The following STX8 variants were observed in gnomAD, a reference collection of about 807,000 sequenced individuals.
The protein encoded by STX8 is syntaxin 8, also known as syntaxin-8.
A neutral mutation model predicts 37.5 loss-of-function variants in STX8; 23 were observed. The ratio of observed to expected loss-of-function variants is 0.61; its 90% CI spans 0.44 to 0.87. The LOEUF (loss-of-function observed/expected upper bound fraction) is 0.87, where lower values mean the gene tolerates loss of function less well. Ranked by LOEUF, STX8 falls within the 40% of genes least tolerant of loss-of-function variation. The pLI is 0.00. For synonymous variants in STX8, 115 were observed against 99.1 expected (o/e 1.16, Z -0.95); for missense variants, 313 against 284.7 (o/e 1.10, Z -0.71).
chr17:9,405,142 T>A (rs1003244777), intron 6 of STX8, among the ~76,000 whole-genome samples: 1 of 152,246 alleles, frequency 6.6e-6, no homozygotes, highest in Non-Finnish European at 1.5e-5. Context: ...GTCATAACAA[T>A]AGCATCTTCA....
rs1206593253 is a variant in STX8, at chr17:9,430,056, T to TAGA, written c.542-51404_542-51403insTCT. ...TATTCTATAGAATATATATATTCTA[T>TAGA]ATAATATATATATTCTATATAATAT... On this transcript the variant is annotated intron_variant, in intron 6 of 7. Coordinates refer to ENST00000306357, the MANE Select transcript of STX8 (RefSeq NM_004853.3). Among the ~76,000 whole-genome samples, 321 of 59,592 alleles carry TAGA rather than the reference T, an allele frequency of 5.4e-3. 27 individuals carry two copies. The highest frequency in any genetic ancestry group is 0.011 in the Middle Eastern group (1 of 92). 39.1% of individuals were successfully genotyped at this position (59,592 alleles called of 152,430 possible).
intron 7 of STX8, among the ~76,000 whole-genome samples, chr17:9,310,464 A>C (rs1909154062): frequency 6.6e-6 from 1 of 152,094 alleles, no homozygotes; most frequent in African/African-American, 2.4e-5. Context: ...TCTTGCCCCC[A>C]CCTGTCTGCT....
At chr17:9,429,402 T>C (rs1248502254) in intron 6 of STX8, among the ~76,000 whole-genome samples, 1 of 144,860 alleles carries the variant, frequency 6.9e-6, no homozygotes, top group Non-Finnish European at 1.5e-5. Flanking sequence ...ATTATAAATA[T>C]ATAAATATAT....
chr17:9,306,521 G>A (rs555013617), intron 7 of STX8, among the ~76,000 whole-genome samples: 16 of 151,658 alleles, frequency 1.1e-4, no homozygotes, highest in African/African-American at 3.9e-4. Context: ...AGACTGAGGT[G>A]GGTGGATCAA....
intron 7 of STX8, among the ~76,000 whole-genome samples, chr17:9,296,359 G>C (rs1260357067): frequency 1.3e-5 from 2 of 150,052 alleles, no homozygotes; most frequent in African/African-American, 4.9e-5. Flanking sequence ...TTAGCCAGGC[G>C]TGGTGGTGCG....
intron 4 of STX8, among the ~76,000 whole-genome samples, chr17:9,544,397 A>T (rs1906412541): frequency 3.9e-5 from 6 of 152,140 alleles, no homozygotes; most frequent in African/African-American, 1.4e-4. Context: ...CAGCTCTTTG[A>T]AGTGTGAATC....
intron 7 of STX8, among the ~76,000 whole-genome samples, chr17:9,362,848 T>TAAAAA (rs1567798062): frequency 6.9e-6 from 1 of 145,084 alleles, no homozygotes; most frequent in Non-Finnish European, 1.5e-5. Context: ...AAAAAATAAA[T>TAAAAA]AAATAAATAA....
intron 7 of STX8, among the ~76,000 whole-genome samples, chr17:9,315,418 C>CA (rs1424486401): frequency 6.6e-6 from 1 of 152,176 alleles, no homozygotes; most frequent in Non-Finnish European, 1.5e-5. Flanking sequence ...ACAGAGGCTG[C>CA]ACGCAGCATG....
At chr17:9,381,771 C>A (rs959217868) in intron 6 of STX8, among the ~76,000 whole-genome samples, 1 of 152,164 alleles carries the variant, frequency 6.6e-6, no homozygotes, top group African/African-American at 2.4e-5. Flanking sequence ...GAGTTTGAGA[C>A]CAGCCTGGCC....
chr17:9,398,344 A>C (rs2142314261), intron 6 of STX8, among the ~76,000 whole-genome samples: 1 of 152,332 alleles, frequency 6.6e-6, no homozygotes, highest in Admixed American at 6.5e-5. Context: ...CCCCAGTGTT[A>C]TCATAAGAAA....
chr17:9,400,912 G>C (rs1443177895), intron 6 of STX8, among the ~76,000 whole-genome samples: 1 of 152,150 alleles, frequency 6.6e-6, no homozygotes, highest in Non-Finnish European at 1.5e-5. Context: ...TATAGAAAAT[G>C]CTGTACAGTT....
intron 4 of STX8, among the ~76,000 whole-genome samples, chr17:9,527,587 A>G (rs1238928539): frequency 2.0e-5 from 3 of 152,176 alleles, no homozygotes; most frequent in Non-Finnish European, 2.9e-5. Context: ...CTTAAAATTA[A>G]TACATGCAGG....
At chr17:9,365,951 C>T (rs1911216380) in intron 7 of STX8, among the ~76,000 whole-genome samples, 1 of 151,798 alleles carries the variant, frequency 6.6e-6, no homozygotes, top group Non-Finnish European at 1.5e-5. Context: ...CCAGCCTGGG[C>T]AACAGAGCGA....
At chr17:9,461,652 G>C (rs1479445261) in intron 6 of STX8, among the ~76,000 whole-genome samples, 1 of 152,160 alleles carries the variant, frequency 6.6e-6, no homozygotes, top group Non-Finnish European at 1.5e-5. Flanking sequence ...CCAGGGACCA[G>C]TTTCATGGAA....
intron 6 of STX8, among the ~76,000 whole-genome samples, chr17:9,406,657 C>A (rs1168453868): frequency 6.6e-6 from 1 of 152,148 alleles, no homozygotes; most frequent in Non-Finnish European, 1.5e-5. Flanking sequence ...TTTATAGTAG[C>A]AAATGATAAA....
chr17:9,423,575 C>A (rs1237159751), intron 6 of STX8, among the ~76,000 whole-genome samples: 3 of 152,208 alleles, frequency 2.0e-5, no homozygotes, highest in Admixed American at 6.5e-5. Flanking sequence ...CCGCCCGCTT[C>A]AGCCTCCCAA....
At chr17:9,539,057 C>T (rs182991234) in intron 4 of STX8, among the ~76,000 whole-genome samples, 6 of 152,294 alleles carry the variant, frequency 3.9e-5, no homozygotes, top group Admixed American at 3.9e-4. Context: ...AATTAGTCAA[C>T]CATTGCTTAT....
chr17:9,489,386 C>T (rs903195675), intron 6 of STX8, among the ~76,000 whole-genome samples: 11 of 152,144 alleles, frequency 7.2e-5, no homozygotes, highest in African/African-American at 2.2e-4. Context: ...AGTATGATAA[C>T]CACTAAACCA....
intron 7 of STX8, among the ~76,000 whole-genome samples, chr17:9,338,030 T>G (rs1016741617): frequency 1.3e-5 from 2 of 149,566 alleles, no homozygotes; most frequent in African/African-American, 4.9e-5. Context: ...TCTGAGGGCT[T>G]TGGGGCACCT....
Sources: gnomAD v4.1 joint callset for allele counts (sites outside exome capture counted in the v4.1 genomes callset) on GRCh38, gnomAD v4.1.1 for gene constraint, MANE v1.5 for transcripts, NCBI Gene and HGNC (gene_info 2026-07-23, HGNC 2026-07-21) for gene names.